MN1: variants seen among roughly 807,000 people sequenced by gnomAD.
MN1 encodes MN1 proto-oncogene, transcriptional regulator.
Under a neutral mutation model 86.9 loss-of-function variants are expected in MN1, and 19 were observed. The observed-to-expected ratio is 0.22, with a 90% CI of 0.15 to 0.32. The LOEUF is 0.32. MN1 is among the 10% of genes least tolerant of loss of function. The pLI is 1.00. For missense variants in MN1, 1,841 were observed against 1,862.0 expected, an observed-to-expected ratio of 0.99 and a Z score of 0.21; for synonymous variants, 928 against 849.6, an observed-to-expected ratio of 1.09 and a Z score of -1.60.
At chr22:27,773,668 T>C (rs1299715460) in intron 1 of MN1, among the ~76,000 whole-genome samples, 2 of 152,228 alleles carry the variant, frequency 1.3e-5, no homozygotes, top group African/African-American at 4.8e-5. Flanking sequence ...TATTTATTTA[T>C]TCATGAATGA....
intron 1 of MN1, among the ~76,000 whole-genome samples, chr22:27,783,860 T>C (rs1349420248): frequency 3.9e-5 from 6 of 152,184 alleles, no homozygotes; most frequent in African/African-American, 1.4e-4. Context: ...CGAGTCCGAA[T>C]ATCTCCACGT....
chr22:27,789,781 G>A (rs571995789), intron 1 of MN1, among the ~76,000 whole-genome samples: 11 of 152,194 alleles, frequency 7.2e-5, no homozygotes, highest in Non-Finnish European at 1.3e-4. Flanking sequence ...ACGATGATGC[G>A]TAAATCGTGA....
At chr22:27,779,390 A>G (rs1933022063) in intron 1 of MN1, among the ~76,000 whole-genome samples, 2 of 152,170 alleles carry the variant, frequency 1.3e-5, no homozygotes, top group African/African-American at 4.8e-5. Context: ...TAGGGGTTCG[A>G]ACCACTGTCC....
At chr22:27,759,212 C>T (rs182739363) in intron 1 of MN1, among the ~76,000 whole-genome samples, 1 of 151,930 alleles carries the variant, frequency 6.6e-6, no homozygotes, top group African/African-American at 2.4e-5. Context: ...GTGGAGTTGG[C>T]CCCCACAGCC....
At chr22:27,775,796 G>A (rs1237036333) in intron 1 of MN1, among the ~76,000 whole-genome samples, 3 of 152,232 alleles carry the variant, frequency 2.0e-5, no homozygotes, top group Non-Finnish European at 4.4e-5. Flanking sequence ...CAGAGGCAGG[G>A]CCTGGGCCCC....
intron 1 of MN1, among the ~76,000 whole-genome samples, chr22:27,768,189 C>A (rs1932885084): frequency 6.6e-6 from 1 of 152,126 alleles, no homozygotes; most frequent in African/African-American, 2.4e-5. Context: ...CCCCTTTGGC[C>A]CACCGACTCT....
At position 27,797,915 on chromosome 22, in the gene MN1, C is replaced by A; in HGVS notation, c.2629G>T (p.Asp877Tyr). 6.2e-7 allele frequency: 1 copy of A among 1,601,244 alleles called. No individual in the cohort carries two copies. The change falls in exon 1 of 2, where the codon GAT (aspartate) becomes TAT (tyrosine). Residue 877 changes from aspartate to tyrosine, a missense_variant. By Grantham distance (160) the Asp-to-Tyr change is radical. Coordinates refer to ENST00000302326, the MANE Select transcript of MN1 (RefSeq NM_002430.3). Reference protein sequence around the residue: ...GAAVAGNPGSDYFPGGTAPGA... With the variant: ...GAAVAGNPGSYYFPGGTAPGA... ...GGAGCAGTCCCTCCTGGGAAGTAAT[C>A]CGAGCCCGGGTTGCCGGCCACTGCC...
chr22:27,798,113 T>TGAA lies in MN1; in HGVS notation c.2428_2430dup (p.Phe810dup). 4 of 1,610,120 alleles carry TGAA rather than the reference T, an allele frequency of 2.5e-6. No homozygotes were observed. Among genetic ancestry groups the TGAA allele is most frequent in the Non-Finnish European group, 3.4e-6 (4 of 1,179,494 alleles). On this transcript the variant is annotated inframe_insertion, in exon 1 of 2. Coordinates refer to ENST00000302326, the MANE Select transcript of MN1 (RefSeq NM_002430.3). ...AGGTTGTCCTTGGAGCTGGGCTTGT[T>TGAA]GAAGGAGCCCAGCGAGAGCGCGCCC...
At chr22:27,772,161 C>T (rs1053065348) in intron 1 of MN1, among the ~76,000 whole-genome samples, 7 of 152,168 alleles carry the variant, frequency 4.6e-5, no homozygotes, top group African/African-American at 1.4e-4. Context: ...TAAGTCCTGG[C>T]GACAGGGCAT....
intron 1 of MN1, among the ~76,000 whole-genome samples, chr22:27,757,596 G>C (rs190702753): frequency 3.3e-5 from 5 of 152,320 alleles, no homozygotes; most frequent in Admixed American, 3.3e-4. Context: ...TCCGACAAAG[G>C]GAAATGTATT....
At chr22:27,791,116 G>A (rs996507376) in intron 1 of MN1, among the ~76,000 whole-genome samples, 12 of 152,044 alleles carry the variant, frequency 7.9e-5, no homozygotes, top group Admixed American at 7.9e-4. Flanking sequence ...GGGATGGGGC[G>A]AGGGGGAGAG....
chr22:27,783,919 C>T (rs1053711257), intron 1 of MN1, among the ~76,000 whole-genome samples: 4 of 152,174 alleles, frequency 2.6e-5, no homozygotes, highest in South Asian at 2.1e-4. Flanking sequence ...TGGCCCATGG[C>T]GGCCAGTGCA....
At chr22:27,775,880 C>CCCTGCCG (rs1329336891) in intron 1 of MN1, among the ~76,000 whole-genome samples, 17 of 152,200 alleles carry the variant, frequency 1.1e-4, no homozygotes, top group Non-Finnish European at 2.2e-4. Context: ...CCCCTCTGCT[C>CCCTGCCG]CCTGCCGCCT....
chr22:27,775,770 C>T (rs1932969575), intron 1 of MN1, among the ~76,000 whole-genome samples: 1 of 152,212 alleles, frequency 6.6e-6, no homozygotes, highest in South Asian at 2.1e-4. Flanking sequence ...AAAGAAGTGC[C>T]CAGTATCCTT....
In MN1 at chr22:27,798,634, G is replaced by A. The variant is rs1332768927; in HGVS notation, c.1910C>T (p.Pro637Leu). The A allele has an allele frequency of 1.9e-6, 3 of 1,561,418 alleles. No homozygotes were observed. Among genetic ancestry groups the A allele is most frequent in the East Asian group, 4.7e-5 (2 of 42,598 alleles). The change falls in exon 1 of 2, where the codon CCG becomes CTG. Residue 637 changes from proline (P) to leucine (L), a missense_variant. By Grantham distance (98) the Pro-to-Leu change is moderately conservative. Transcript: ENST00000302326. ...QESAWFSGPHPPPGDLLPRRM... is the reference protein window; with the variant it reads ...QESAWFSGPHLPPGDLLPRRM... ...ACGGGGCAGCAGGTCTCCGGGCGGC[G>A]GATGCGGACCTGAGAACCACGCGCT... is the stretch of plus-strand genomic sequence containing the variant.
rs747710930 is a variant in MN1 at position 27,800,498 on chromosome 22, C to T, written c.46G>A (p.Ala16Thr). ...TTAAAGTTCCTCTCGCCCTGGCCAG[C>T]GTTCCTGCTGTTGACCTGGGGCTCG... is the stretch of plus-strand genomic sequence containing the variant. ...QFEPQVNSRNAGQGERNFNET... is the reference protein window; with the variant it reads ...QFEPQVNSRNTGQGERNFNET... The change falls in exon 1 of 2, where the codon GCT (alanine) becomes ACT (threonine). Residue 16 changes from alanine (A) to threonine (T), a missense_variant. Coordinates refer to ENST00000302326, the MANE Select transcript of MN1 (RefSeq NM_002430.3). The T allele has an allele frequency of 3.1e-6, 5 of 1,614,208 alleles. No individual in the cohort carries two copies. The South Asian group carries it at 5.5e-5, about 18-fold the overall frequency.
Position 27,798,361 on chromosome 22 carries a change from C to A in MN1, c.2183G>T (p.Arg728Leu), listed in dbSNP as rs775728511. Residue 728 changes from arginine (R) to leucine (L), a missense_variant, in exon 1 of 2, where the codon CGC becomes CTC. Physicochemically the swap from Arg to Leu is moderately radical, Grantham distance 102. Coordinates refer to ENST00000302326, the MANE Select transcript of MN1 (RefSeq NM_002430.3). Reference sequence around the variant, plus strand: ...AGCAAAGTCCGGCGGCGGGGGCCGGCGCTCCGAAGCAGCGCTGGGGAGCCC... The same window carrying A: ...AGCAAAGTCCGGCGGCGGGGGCCGGAGCTCCGAAGCAGCGCTGGGGAGCCC... ...GVGLPSAASE[R>L]RPPPPDFATS... is the part of the protein sequence containing the mutation. 3 of 1,500,134 alleles carry A rather than the reference C, an allele frequency of 2.0e-6. No individual in the cohort carries two copies. The highest frequency in any genetic ancestry group is 2.6e-5 in the East Asian group (1 of 38,614). 92.9% of individuals were successfully genotyped at this position (1,500,134 alleles called of 1,614,324 possible).
At chr22:27,774,043 C>G (rs2009188) in intron 1 of MN1, among the ~76,000 whole-genome samples, 3 of 152,004 alleles carry the variant, frequency 2.0e-5, no homozygotes, top group African/African-American at 7.3e-5. Context: ...GAGCAAACGG[C>G]CCCCTGGACA....
rs188212706 is a variant in MN1 at position 27,771,297 on chromosome 22, T to C, written c.3782-20201A>G. ...AGGCTGGAAGGCAGTGGCATGATCATAGCTCATGCAACCTCTGTCTCCTGG... is the reference window on the plus strand; with the variant it reads ...AGGCTGGAAGGCAGTGGCATGATCACAGCTCATGCAACCTCTGTCTCCTGG... On this transcript the variant is annotated intron_variant, in intron 1 of 1. Coordinates refer to ENST00000302326, the MANE Select transcript of MN1 (RefSeq NM_002430.3). Among the ~76,000 whole-genome samples the C allele has an allele frequency of 1.9e-4, 27 of 141,054 alleles. No individual in the cohort carries two copies. The East Asian group carries it at 4.8e-3, about 25-fold the overall frequency. The allele number at this position is 141,054 out of a possible 152,430, so 92.5% of individuals were successfully genotyped here. A position where few individuals can be genotyped will look rare whatever the true frequency, so the allele number is the denominator to read the frequency against.
Sources: allele counts gnomAD v4.1 joint callset (sites outside exome capture counted in the v4.1 genomes callset), GRCh38; gene constraint gnomAD v4.1.1; transcripts MANE v1.5; gene names NCBI Gene and HGNC (gene_info 2026-07-23, HGNC 2026-07-21).